LDLRAD4: variants seen among roughly 807,000 people sequenced by gnomAD.
LDLRAD4 encodes the protein low-density lipoprotein receptor class A domain-containing protein 4.
In LDLRAD4, 5 loss-of-function variants were observed where a neutral mutation model predicts 17.0. The ratio of observed to expected loss-of-function variants is 0.29; its 90% CI spans 0.15 to 0.62. The LOEUF (loss-of-function observed/expected upper bound fraction) is 0.62. Ranked by LOEUF, LDLRAD4 falls within the 20% of genes least tolerant of loss-of-function variation. The probability of loss-of-function intolerance (pLI) is 0.84; values close to 1 mark genes in which losing one functional copy is unlikely to be tolerated. For missense variants in LDLRAD4, 340 were observed against 424.7 expected (o/e 0.80, Z 1.75); for synonymous variants, 168 against 171.8 (o/e 0.98, Z 0.17).
intron 1 of LDLRAD4, among the ~76,000 whole-genome samples, chr18:13,382,932 C>T (rs2085495403): frequency 1.3e-5 from 2 of 152,256 alleles, no homozygotes; most frequent in East Asian, 3.8e-4. Context: ...CTCTCTGTAG[C>T]CTGAGGGCAT....
chr18:13,590,051 A>G (rs1167884992), intron 3 of LDLRAD4, among the ~76,000 whole-genome samples: 2 of 143,108 alleles, frequency 1.4e-5, no homozygotes, highest in African/African-American at 2.6e-5. Context: ...GTGAGTGTGC[A>G]TGTGTGTGAC....
chr18:13,503,096 C>G (rs1160895083), intron 3 of LDLRAD4, among the ~76,000 whole-genome samples: 1 of 152,192 alleles, frequency 6.6e-6, no homozygotes, highest in Non-Finnish European at 1.5e-5. Context: ...TGTGGTTTAT[C>G]TATGGCCACC....
chr18:13,642,743 A>G, intron 4 of LDLRAD4: 1 of 1,231,252 alleles, frequency 8.1e-7, no homozygotes, highest in Non-Finnish European at 1.0e-6. Context: ...TCTTGAATGT[A>G]TTTCAAGCAC....
chr18:13,442,719 G>A (rs1205677134), intron 3 of LDLRAD4, among the ~76,000 whole-genome samples: 1 of 152,160 alleles, frequency 6.6e-6, no homozygotes, highest in Non-Finnish European at 1.5e-5. Flanking sequence ...AAGCCCCTTG[G>A]CCACATCTTA....
intron 1 of LDLRAD4, among the ~76,000 whole-genome samples, chr18:13,346,835 C>T (rs60108757): frequency 0.017 from 2,559 of 152,252 alleles, 70 homozygotes; most frequent in African/African-American, 0.059. Context: ...TATGTAATGG[C>T]CTTCTTTGTC....
At chr18:13,319,122 T>C (rs2081085337) in intron 1 of LDLRAD4, among the ~76,000 whole-genome samples, 1 of 152,226 alleles carries the variant, frequency 6.6e-6, no homozygotes, top group Non-Finnish European at 1.5e-5. Context: ...CATGAAGCCC[T>C]TTATACCTAT....
At chr18:13,555,796 G>A (rs929542804) in intron 3 of LDLRAD4, among the ~76,000 whole-genome samples, 1 of 152,174 alleles carries the variant, frequency 6.6e-6, no homozygotes, top group Non-Finnish European at 1.5e-5. Flanking sequence ...AATAATTAAG[G>A]TATAGATGAG....
intron 3 of LDLRAD4, among the ~76,000 whole-genome samples, chr18:13,445,086 C>T (rs2091296941): frequency 6.6e-6 from 1 of 152,164 alleles, no homozygotes; most frequent in South Asian, 2.1e-4. Flanking sequence ...GTGCGTGTGA[C>T]CAGTCAGGGC....
At chr18:13,584,039 T>A (rs1178325621) in intron 3 of LDLRAD4, among the ~76,000 whole-genome samples, 1 of 152,102 alleles carries the variant, frequency 6.6e-6, no homozygotes, top group African/African-American at 2.4e-5. Flanking sequence ...CCCATCTTGC[T>A]GAGAGTGCAG....
intron 3 of LDLRAD4, among the ~76,000 whole-genome samples, chr18:13,494,741 C>G (rs1053571661): frequency 5.0e-5 from 5 of 99,088 alleles, no homozygotes; most frequent in Non-Finnish European, 1.1e-4. Flanking sequence ...ATAAATGACA[C>G]AGTGGGAATT....
chr18:13,408,753 G>A (rs2088032752), intron 2 of LDLRAD4, among the ~76,000 whole-genome samples: 1 of 152,170 alleles, frequency 6.6e-6, no homozygotes, highest in Non-Finnish European at 1.5e-5. Flanking sequence ...TTACAGGCAG[G>A]CACACAGCTT....
At chr18:13,352,212 G>T (rs1357844111) in intron 1 of LDLRAD4, among the ~76,000 whole-genome samples, 1 of 152,148 alleles carries the variant, frequency 6.6e-6, no homozygotes, top group African/African-American at 2.4e-5. Flanking sequence ...ACAAGACAAG[G>T]ATACCCTTTC....
chr18:13,324,492 T>C (rs1172853658), intron 1 of LDLRAD4, among the ~76,000 whole-genome samples: 1 of 152,182 alleles, frequency 6.6e-6, no homozygotes, highest in Non-Finnish European at 1.5e-5. Flanking sequence ...TCTCTGAGTA[T>C]GTCCCGAGGA....
rs901269832 is a variant in LDLRAD4 at position 13,616,936 on chromosome 18, C to T, written c.182-4181C>T. Among the ~76,000 whole-genome samples the T allele has an allele frequency of 2.6e-5, 4 of 152,188 alleles. No homozygotes were observed. In the East Asian group the frequency reaches 5.8e-4, roughly 22 times the overall value. ...GGTGCCCGTGAACCCCCAGGGCCGA[C>T]GCTCATCCATGTGCTGTAGATGCAC... is the stretch of plus-strand genomic sequence containing the variant. On this transcript the variant is annotated intron_variant, in intron 3 of 5. Coordinates refer to ENST00000359446, the Ensembl canonical transcript of LDLRAD4.
At chr18:13,311,983 C>G (rs1016277562) in intron 1 of LDLRAD4, among the ~76,000 whole-genome samples, 1 of 152,056 alleles carries the variant, frequency 6.6e-6, no homozygotes, top group Non-Finnish European at 1.5e-5. Flanking sequence ...AGGCGCCCAC[C>G]ACCACACCCG....
intron 3 of LDLRAD4, among the ~76,000 whole-genome samples, chr18:13,538,055 A>G (rs972107941): frequency 6.6e-6 from 1 of 152,006 alleles, no homozygotes; most frequent in African/African-American, 2.4e-5. Flanking sequence ...TTGGTAATTT[A>G]TGTCTTCCCT....
chr18:13,606,358 T>A (rs916729295), intron 3 of LDLRAD4, among the ~76,000 whole-genome samples: 1 of 152,186 alleles, frequency 6.6e-6, no homozygotes, highest in African/African-American at 2.4e-5. Context: ...TAACATAAAC[T>A]CAAATCTGCT....
chr18:13,429,610 A>G (rs2069188), intron 2 of LDLRAD4, among the ~76,000 whole-genome samples: 9,381 of 152,340 alleles, frequency 0.062, 631 homozygotes, highest in East Asian at 0.35. Context: ...TTAAAAATTT[A>G]TAGAATCACT....
At chr18:13,635,605 T>G (rs1376732725) in intron 4 of LDLRAD4, among the ~76,000 whole-genome samples, 1 of 152,242 alleles carries the variant, frequency 6.6e-6, no homozygotes, top group Non-Finnish European at 1.5e-5. Flanking sequence ...TGGGGAGTTT[T>G]CCTGTTAGTG....
Sources: gnomAD v4.1 joint callset for allele counts (sites outside exome capture counted in the v4.1 genomes callset) on GRCh38, gnomAD v4.1.1 for gene constraint, MANE v1.5 for transcripts, NCBI Gene and HGNC (gene_info 2026-07-23, HGNC 2026-07-21) for gene names.